Variants in TMEM63C observed in about 807,000 individuals in gnomAD.
TMEM63C encodes osmosensitive cation channel TMEM63C.
A neutral mutation model predicts 99.2 loss-of-function variants in TMEM63C; 32 were observed. The ratio of observed to expected loss-of-function variants is 0.32; its 90% CI spans 0.24 to 0.43. The LOEUF is 0.43. Among genes scored for constraint, TMEM63C ranks in the 20% least tolerant of loss-of-function variants. The pLI is 1.00. For synonymous variants in TMEM63C, 376 were observed against 397.9 expected (o/e 0.94, Z 0.66); for missense variants, 826 against 1,053.0 (o/e 0.78, Z 2.98).
chr14:77,200,495 A>G (rs965324489), intron 1 of TMEM63C, among the ~76,000 whole-genome samples: 3 of 152,158 alleles, frequency 2.0e-5, no homozygotes, highest in African/African-American at 7.2e-5. Flanking sequence ...AGCCAGACCC[A>G]CAGCCTCTGC....
chr14:77,231,521 C>A, intron 6 of TMEM63C, 67 bp from the exon 7 acceptor site: 2 of 1,531,426 alleles, frequency 1.3e-6, no homozygotes, highest in East Asian at 2.5e-5. Context: ...CTTCCCTCTA[C>A]CTCCCCGCAA....
At chr14:77,230,736 C>G (rs543261690) in intron 6 of TMEM63C, among the ~76,000 whole-genome samples, 2 of 152,288 alleles carry the variant, frequency 1.3e-5, no homozygotes, top group Non-Finnish European at 2.9e-5. Context: ...CCCCACCACC[C>G]CACACCCAGG....
In TMEM63C at chr14:77,248,369, G is replaced by A. The variant is rs1325893697; in HGVS notation, c.1624G>A (p.Gly542Ser). 1 of 1,611,386 alleles carries A rather than the reference G, an allele frequency of 6.2e-7. No homozygotes were observed. The change falls in exon 19 of 24, where the codon GGC (glycine) becomes AGC (serine). Residue 542 changes from glycine to serine, a missense_variant. Transcript: ENST00000298351. ...RFQCVFLPDN[G>S]AFFVNYVITA... ...CAGGTGTGTGTTCCTGCCAGACAAC[G>A]GCGCCTTCTTTGTCAACTACGTGAT... is the stretch of plus-strand genomic sequence containing the variant.
At position 77,242,432 on chromosome 14, in the gene TMEM63C, A is replaced by G; in HGVS notation, c.1150A>G (p.Arg384Gly). ...CACCATCGTCAAATCATATTACTGG[A>G]GGGTCACTATGGCCCCACACCCCAA... ...VTTIVKSYYWRVTMAPHPKDI... is the reference protein window; with the variant it reads ...VTTIVKSYYWGVTMAPHPKDI... The change falls in exon 14 of 24, where the codon AGG becomes GGG. Residue 384 changes from arginine to glycine, a missense_variant. Coordinates refer to ENST00000298351, the MANE Select transcript of TMEM63C (RefSeq NM_020431.4). 1 of 1,613,848 alleles carries G rather than the reference A, an allele frequency of 6.2e-7. No homozygotes were observed. Among genetic ancestry groups the G allele is most frequent in the South Asian group, 1.1e-5 (1 of 91,082 alleles).
intron 1 of TMEM63C, among the ~76,000 whole-genome samples, chr14:77,207,092 G>C (rs1888415180): frequency 6.6e-6 from 1 of 152,182 alleles, no homozygotes; most frequent in African/African-American, 2.4e-5. Flanking sequence ...GCACCCCCTG[G>C]GCACCATCAT....
At position 77,250,157 on chromosome 14, in the gene TMEM63C, T is replaced by C. The variant is rs1889333563; in HGVS notation, c.2038+699T>C. Among the ~76,000 whole-genome samples, 9 of 152,272 alleles carry C rather than the reference T, an allele frequency of 5.9e-5. No homozygotes were observed. In the South Asian group the frequency reaches 1.9e-3, roughly 32 times the overall value. ...AGTGGTAGATGCCTGGCTTTATGGG[T>C]TGCCAAAAAACCTGGAAGAGGAAAC... On this transcript the variant is annotated intron_variant, in intron 21 of 23. Transcript: ENST00000298351.
intron 21 of TMEM63C, among the ~76,000 whole-genome samples, chr14:77,251,077 T>C (rs925129598): frequency 1.3e-5 from 2 of 152,186 alleles, no homozygotes; most frequent in African/African-American, 2.4e-5. Context: ...CCCTGAGGTT[T>C]TGTACTGAAC....
intron 16 of TMEM63C, among the ~76,000 whole-genome samples, chr14:77,245,227 ATGGCACATC>A (rs1889248761): frequency 6.6e-6 from 1 of 152,198 alleles, no homozygotes; most frequent in South Asian, 2.1e-4. Flanking sequence ...CATCAACTAT[ATGGCACATC>A]TGTGCCTTCC....
intron 13 of TMEM63C, among the ~76,000 whole-genome samples, chr14:77,241,623 T>A: frequency 6.6e-6 from 1 of 152,212 alleles, no homozygotes; most frequent in South Asian, 2.1e-4. Flanking sequence ...TGGTACACAA[T>A]TTTGCAAGTT....
chr14:77,207,461 C>T (rs1361590853), intron 1 of TMEM63C, among the ~76,000 whole-genome samples: 1 of 152,248 alleles, frequency 6.6e-6, no homozygotes, highest in Non-Finnish European at 1.5e-5. Context: ...GGAGGCCATC[C>T]TCCTGTACCC....
chr14:77,240,736 C>T, intron 13 of TMEM63C, 128 bp downstream of exon 13: 1 of 1,209,380 alleles, frequency 8.3e-7, no homozygotes, highest in Non-Finnish European at 1.1e-6. Context: ...CAGGCAGCTG[C>T]CATCTGGCTC....
intron 1 of TMEM63C, among the ~76,000 whole-genome samples, chr14:77,186,818 T>TGTGTGTGG: frequency 6.6e-6 from 1 of 151,172 alleles, no homozygotes; most frequent in Non-Finnish European, 1.5e-5. Flanking sequence ...TGTGTGTGTG[T>TGTGTGTGG]GTCTGTGTGT....
chr14:77,249,832 T>G (rs1889327882), intron 21 of TMEM63C, among the ~76,000 whole-genome samples: 1 of 152,224 alleles, frequency 6.6e-6, no homozygotes, highest in East Asian at 1.9e-4. Context: ...TTTTTTGTTT[T>G]GTTTTTTAAT....
chr14:77,231,616 G>A lies in TMEM63C; in HGVS notation c.379G>A (p.Asp127Asn), dbSNP rs1471548095. 2 of 1,551,660 alleles carry A rather than the reference G, an allele frequency of 1.3e-6. No homozygotes were observed. The highest frequency in any genetic ancestry group is 2.4e-5 in the East Asian group (1 of 40,920). ...CGAGGATCTGATTAACAAGTGTGGG[G>A]ACGACGCGCGCATCTACATCGTGTT... The part of the protein sequence containing the change: ...KDEDLINKCG[D>N]DARIYIVFQY... The change falls in exon 7 of 24, where the codon GAC (aspartate) becomes AAC (asparagine). Residue 127 changes from aspartate (D) to asparagine (N), a missense_variant. Coordinates refer to ENST00000298351, the MANE Select transcript of TMEM63C (RefSeq NM_020431.4).
intron 7 of TMEM63C, among the ~76,000 whole-genome samples, chr14:77,232,841 T>G (rs1466823349): frequency 6.6e-6 from 1 of 152,228 alleles, no homozygotes; most frequent in Non-Finnish European, 1.5e-5. Flanking sequence ...TTCCCCTGAT[T>G]CCTCAGGTTT....
At chr14:77,200,564 A>G (rs761542508) in intron 1 of TMEM63C, among the ~76,000 whole-genome samples, 3 of 152,196 alleles carry the variant, frequency 2.0e-5, no homozygotes, top group Non-Finnish European at 4.4e-5. Flanking sequence ...GAGGCAGCCA[A>G]CGTGGCTCTG....
chr14:77,251,906 G>A lies in TMEM63C; in HGVS notation c.2148+8G>A, dbSNP rs1490968336. 1 of 1,603,050 alleles carries A rather than the reference G, an allele frequency of 6.2e-7. No homozygotes were observed. The highest frequency in any genetic ancestry group is 1.1e-5 in the South Asian group (1 of 90,856). ...ATGGTTGCCGACTACGAGGTGAGTTGCCAGCCTGCCCCTCCTCCTGGTTCT... is the reference window on the plus strand; with the variant it reads ...ATGGTTGCCGACTACGAGGTGAGTTACCAGCCTGCCCCTCCTCCTGGTTCT... On this transcript the variant is annotated splice_region_variant and intron_variant, in intron 22 of 23. Transcript: ENST00000298351.
chr14:77,255,205 G>A (rs1307673881), intron 23 of TMEM63C, among the ~76,000 whole-genome samples: 2 of 152,204 alleles, frequency 1.3e-5, no homozygotes, highest in Admixed American at 6.5e-5. Flanking sequence ...TGGCCAGGCT[G>A]GTCTCGAACT....
intron 2 of TMEM63C, among the ~76,000 whole-genome samples, chr14:77,217,386 C>A (rs1888608422): frequency 6.6e-6 from 1 of 152,238 alleles, no homozygotes; most frequent in African/African-American, 2.4e-5. Context: ...ACAATTCTAA[C>A]CTCACCCTCA....
Sources: allele counts gnomAD v4.1 joint callset (sites outside exome capture counted in the v4.1 genomes callset), GRCh38; gene constraint gnomAD v4.1.1; transcripts MANE v1.5; gene names NCBI Gene and HGNC (gene_info 2026-07-23, HGNC 2026-07-21).